Variants in ZNF114 observed in about 807,000 individuals in gnomAD.
ZNF114 encodes the protein zinc finger protein 114, also known as zinc finger protein 114 (Y18).
A neutral mutation model predicts 6.8 loss-of-function variants in ZNF114; 8 were observed. That is an observed-to-expected ratio of 1.18 (90% CI 0.69 to 2.13). The LOEUF is 2.13. ZNF114 is among the 30% of genes most tolerant of loss of function. The pLI, the probability that ZNF114 is intolerant of heterozygous loss-of-function variation, is 0.00. For synonymous variants in ZNF114, 169 were observed against 185.5 expected, an observed-to-expected ratio of 0.91 and a Z score of 0.72; for missense variants, 472 against 519.5, an observed-to-expected ratio of 0.91 and a Z score of 0.89.
rs374838095 is a variant in ZNF114, at chr19:48,286,271, C to T, written c.647C>T (p.Thr216Met). The change falls in exon 6 of 6, where the codon ACG becomes ATG. Residue 216 changes from threonine to methionine, a missense_variant. Physicochemically the swap from Thr to Met is moderately conservative, Grantham distance 81. Transcript: ENST00000595607. ...TVHHIRDEID[T>M]GANRHQRNPF... Reference sequence around the variant, plus strand: ...CATCATATACGTGATGAAATTGATACGGGGGCCAACAGGCACCAGCGGAAT... The same window carrying T: ...CATCATATACGTGATGAAATTGATATGGGGGCCAACAGGCACCAGCGGAAT... 102 of 1,614,004 alleles carry T rather than the reference C, an allele frequency of 6.3e-5. No individual in the cohort carries two copies. The highest frequency in any genetic ancestry group is 4.2e-4 in the East Asian group (19 of 44,902).
chr19:48,276,434 T>C (rs1447749453), intron 3 of ZNF114, among the ~76,000 whole-genome samples: 2 of 152,058 alleles, frequency 1.3e-5, no homozygotes, highest in Non-Finnish European at 2.9e-5. Context: ...GAGTGATGCC[T>C]CCGTACCCTG....
intron 3 of ZNF114, among the ~76,000 whole-genome samples, chr19:48,272,664 ACT>A (rs1168112340): frequency 1.1e-5 from 1 of 90,930 alleles, no homozygotes; most frequent in Non-Finnish European, 2.1e-5. Flanking sequence ...ACAGAGCAAG[ACT>A]CTCTCTCAAA....
In ZNF114 at chr19:48,286,930, G is replaced by A. The variant is rs770130470; in HGVS notation, c.*52G>A. Reference sequence around the variant, plus strand: ...TTTTCTGACTGTACCAAACATGTGAGGAGGACATATTGGAAGGGAGCTCAA... The same window carrying A: ...TTTTCTGACTGTACCAAACATGTGAAGAGGACATATTGGAAGGGAGCTCAA... On this transcript the variant is annotated 3_prime_UTR_variant, in exon 6 of 6. Coordinates refer to ENST00000595607, the MANE Select transcript of ZNF114 (RefSeq NM_153608.4). 6.6e-7 allele frequency: 1 copy of A among 1,515,944 alleles called. No homozygotes were observed. Among genetic ancestry groups the A allele is most frequent in the Non-Finnish European group, 8.8e-7 (1 of 1,137,026 alleles). 93.9% of individuals were successfully genotyped at this position (1,515,944 alleles called of 1,614,324 possible).
chr19:48,272,594 T>C (rs1338912970), intron 3 of ZNF114, among the ~76,000 whole-genome samples: 1 of 127,772 alleles, frequency 7.8e-6, no homozygotes, highest in Non-Finnish European at 1.6e-5. Flanking sequence ...GAATCGCTTC[T>C]ACCTGGGAGG....
rs576612899 is a variant in ZNF114, at chr19:48,272,052, G to A, written c.-70+224G>A. Among the ~76,000 whole-genome samples the A allele has an allele frequency of 3.3e-5, 5 of 152,328 alleles. No individual in the cohort carries two copies. The South Asian group carries it at 1.0e-3, about 32-fold the overall frequency. ...CAGCGTTGCGAAAGCGCCTGTCCCCGGGCTTGGGCAGCAGAGATGCCCGCA... is the reference window on the plus strand; with the variant it reads ...CAGCGTTGCGAAAGCGCCTGTCCCCAGGCTTGGGCAGCAGAGATGCCCGCA... On this transcript the variant is annotated intron_variant, in intron 3 of 5. Transcript: ENST00000595607.
At chr19:48,283,944 G>A (rs1328369257) in intron 5 of ZNF114, among the ~76,000 whole-genome samples, 1 of 152,060 alleles carries the variant, frequency 6.6e-6, no homozygotes, top group East Asian at 1.9e-4. Context: ...GTGTTGGCCA[G>A]GCTTGTCTCA....
intron 3 of ZNF114, among the ~76,000 whole-genome samples, chr19:48,272,891 G>A (rs1302221143): frequency 6.7e-6 from 1 of 150,024 alleles, no homozygotes; most frequent in Non-Finnish European, 1.5e-5. Context: ...CGCCTCCCGG[G>A]TTCACGCCAT....
intron 3 of ZNF114, among the ~76,000 whole-genome samples, chr19:48,274,502 ATATATTTTTTTTTT>A (rs1477459215): frequency 1.7e-4 from 3 of 17,820 alleles, no homozygotes; most frequent in African/African-American, 3.2e-4. Flanking sequence ...ATATATATAT[ATATATTTTTTTTTT>A]TTTTTTTGAG....
chr19:48,277,837 G>A (rs936249502), intron 3 of ZNF114, among the ~76,000 whole-genome samples: 10 of 149,912 alleles, frequency 6.7e-5, no homozygotes, highest in African/African-American at 2.2e-4. Flanking sequence ...GTGTGTGTTC[G>A]TGACGATATG....
intron 3 of ZNF114, among the ~76,000 whole-genome samples, chr19:48,276,681 G>A (rs1370183293): frequency 6.6e-6 from 1 of 152,088 alleles, no homozygotes; most frequent in Non-Finnish European, 1.5e-5. Flanking sequence ...ACGCCAGCGT[G>A]CCCACCTAAT....
chr19:48,279,684 G>T, intron 3 of ZNF114, 47 bp from the exon 4 acceptor site: 1 of 1,346,146 alleles, frequency 7.4e-7, no homozygotes, highest in South Asian at 1.2e-5. Flanking sequence ...TACGAGTGTG[G>T]GGAAGGCAGG....
intron 1 of ZNF114, among the ~76,000 whole-genome samples, chr19:48,270,863 G>T (rs987069458): frequency 6.6e-6 from 1 of 151,984 alleles, no homozygotes; most frequent in Non-Finnish European, 1.5e-5. Flanking sequence ...CGGATCACGA[G>T]GTCAGGAGAT....
chr19:48,274,614 C>A (rs1017986799), intron 3 of ZNF114, among the ~76,000 whole-genome samples: 1 of 151,294 alleles, frequency 6.6e-6, no homozygotes, highest in African/African-American at 2.4e-5. Context: ...TCAAGTAATT[C>A]TCCTGCCTCA....
intron 5 of ZNF114, among the ~76,000 whole-genome samples, chr19:48,282,967 C>T (rs571732379): frequency 2.2e-4 from 34 of 152,136 alleles, no homozygotes; most frequent in African/African-American, 7.2e-4. Flanking sequence ...CCTCCCACCT[C>T]GGCCTCCGGA....
intron 3 of ZNF114, among the ~76,000 whole-genome samples, chr19:48,275,457 C>CACACAAAAAA (rs1181746572): frequency 1.4e-5 from 2 of 144,558 alleles, no homozygotes; most frequent in African/African-American, 5.1e-5. Context: ...CACACACACA[C>CACACAAAAAA]AAAATAGCCA....
chr19:48,272,673 C>CAAA (rs57823987), intron 3 of ZNF114, among the ~76,000 whole-genome samples: 1,042 of 39,208 alleles, frequency 0.027, 126 homozygotes, highest in African/African-American at 0.053. Context: ...GACTCTCTCT[C>CAAA]AAAAAAAAAA....
chr19:48,271,531 G>T (rs984102017), intron 2 of ZNF114, 82 bp downstream of exon 2: 1 of 138,738 alleles, frequency 7.2e-6, no homozygotes. Flanking sequence ...GGGGGCGGGG[G>T]GTGGGACGGG....
chr19:48,274,471 G>GA (rs200408833), intron 3 of ZNF114, among the ~76,000 whole-genome samples: 3,533 of 143,378 alleles, frequency 0.025, 59 homozygotes, highest in Middle Eastern at 0.085. Context: ...TGTTTTAATA[G>GA]AAAAAAACTT....
In ZNF114 at chr19:48,286,418, T is replaced by A; in HGVS notation, c.794T>A (p.Met265Lys). The A allele has an allele frequency of 6.2e-7, 1 of 1,614,212 alleles. No individual in the cohort carries two copies. Among genetic ancestry groups the A allele is most frequent in the East Asian group, 2.2e-5 (1 of 44,890 alleles). Residue 265 changes from methionine to lysine, a missense_variant, in exon 6 of 6, where the codon ATG (methionine) becomes AAG (lysine). Met to Lys is a moderately conservative substitution (Grantham distance 95). Transcript: ENST00000595607. Reference sequence around the variant, plus strand: ...TCCAGAAATAACTCAATTCACGCCATGCAGATGCAGTTGTATACCGCAGAG... The same window carrying A: ...TCCAGAAATAACTCAATTCACGCCAAGCAGATGCAGTTGTATACCGCAGAG... ...NTSRNNSIHA[M>K]QMQLYTAETN... is the part of the protein sequence containing the mutation.
Sources: gnomAD v4.1 joint callset for allele counts (sites outside exome capture counted in the v4.1 genomes callset) on GRCh38, gnomAD v4.1.1 for gene constraint, MANE v1.5 for transcripts, NCBI Gene and HGNC (gene_info 2026-07-23, HGNC 2026-07-21) for gene names.